MMP13: variants seen among roughly 807,000 people sequenced by gnomAD.
MMP13 encodes the protein collagenase 3.
In MMP13, 45 loss-of-function variants were observed where a neutral mutation model predicts 52.1. The ratio of observed to expected loss-of-function variants is 0.86; its 90% CI spans 0.68 to 1.11. The LOEUF (loss-of-function observed/expected upper bound fraction) is 1.11, where lower values mean the gene tolerates loss of function less well. Among genes scored for constraint, MMP13 ranks in the 50% least tolerant of loss-of-function variants. The pLI, the probability that MMP13 is intolerant of heterozygous loss-of-function variation, is 0.00. For synonymous variants in MMP13, 200 were observed against 204.4 expected (o/e 0.98, Z 0.18); for missense variants, 576 against 583.8 (o/e 0.99, Z 0.14).
rs369083541 is a variant in MMP13 at position 102,955,289 on chromosome 11, G to A, written c.325C>T (p.Arg109Ter). The A allele has an allele frequency of 1.6e-5, 26 of 1,613,738 alleles. No homozygotes were observed. The highest frequency in any genetic ancestry group is 2.0e-5 in the Non-Finnish European group (24 of 1,179,850). Residue 109 changes from arginine (R) to a stop codon, truncating the protein, a stop_gained, in exon 2 of 10, where the codon CGA becomes TGA. Coordinates refer to ENST00000260302, the MANE Select transcript of MMP13 (RefSeq NM_002427.4). LOFTEE classifies it high-confidence loss of function. The surrounding 1 kb of genome is among the most constrained non-coding windows in gnomAD (Gnocchi z 4.9). ...PDVGEYNVFPRTLKWSKMNLT... is the reference protein window; with the variant it reads ...PDVGEYNVFP ...TTCATTTTGGACCATTTAAGAGTTC[G>A]AGGGAAAACATTGTATTCACCCACA... is the stretch of plus-strand genomic sequence containing the variant.
chr11:102,949,293 A>C lies in MMP13; in HGVS notation c.918-135T>G. 9.0e-7 allele frequency: 1 copy of C among 1,105,606 alleles called. No individual in the cohort carries two copies. Among genetic ancestry groups the C allele is most frequent in the Non-Finnish European group, 1.3e-6 (1 of 758,092 alleles). 68.5% of individuals were successfully genotyped at this position (1,105,606 alleles called of 1,614,324 possible). ...CCTCCCACCTGTGAAGGGAAAAAAA[A>C]TTCCATTACCCTTTAAGCGCCAGTG... On this transcript the variant is annotated intron_variant, in intron 6 of 9. Transcript: ENST00000260302. The surrounding 1 kb of genome is among the most constrained non-coding windows in gnomAD (Gnocchi z 4.2).
Position 102,943,958 on chromosome 11 carries a change from A to T in MMP13, c.*308T>A, listed in dbSNP as rs1035343402. ...AAAATTTCCTTATAAATATATTTTT[A>T]AATTATGCTCTCATTGACAGACCAT... On this transcript the variant is annotated 3_prime_UTR_variant, in exon 10 of 10. Transcript: ENST00000260302. The T allele has an allele frequency of 1.1e-4, 30 of 278,772 alleles. No homozygotes were observed. Among genetic ancestry groups the T allele is most frequent in the Non-Finnish European group, 6.4e-5 (9 of 140,980 alleles). 17.3% of individuals were successfully genotyped at this position (278,772 alleles called of 1,614,324 possible).
intron 7 of MMP13, 133 bp downstream of exon 7, chr11:102,948,892 T>C (rs1860560698): frequency 1.8e-5 from 22 of 1,246,928 alleles, no homozygotes; most frequent in East Asian, 7.1e-5. Context: ...CTTTCTGGCT[T>C]CCATTTTTTT....
chr11:102,951,994 T>G lies in MMP13; in HGVS notation c.799+18A>C. The G allele has an allele frequency of 6.2e-7, 1 of 1,610,916 alleles. No individual in the cohort carries two copies. Among genetic ancestry groups the G allele is most frequent in the Non-Finnish European group, 8.5e-7 (1 of 1,177,368 alleles). ...TGCTTTTATAACTGATCATATTCTA[T>G]TTCTATAACCGAGTTACCATAGAGA... is the stretch of plus-strand genomic sequence containing the variant. On this transcript the variant is annotated intron_variant, in intron 5 of 9. Transcript: ENST00000260302.
intron 8 of MMP13, among the ~76,000 whole-genome samples, 162 bp downstream of exon 8, chr11:102,947,729 A>T (rs1555016812): frequency 6.9e-6 from 1 of 145,308 alleles, no homozygotes; most frequent in African/African-American, 2.6e-5. Context: ...GAGACTTTTA[A>T]ATACATGTCT....
Position 102,949,240 on chromosome 11 carries a change from A to G in MMP13, c.918-82T>C. 6.5e-7 allele frequency: 1 copy of G among 1,540,388 alleles called. No homozygotes were observed. The highest frequency in any genetic ancestry group is 8.8e-7 in the Non-Finnish European group (1 of 1,133,624). ...CCTGCTAGTCACCTCTCTCCACATCAACACAGACAAGTTAGATACAACCAA... is the reference window on the plus strand; with the variant it reads ...CCTGCTAGTCACCTCTCTCCACATCGACACAGACAAGTTAGATACAACCAA... On this transcript the variant is annotated intron_variant, in intron 6 of 9. Coordinates refer to ENST00000260302, the MANE Select transcript of MMP13 (RefSeq NM_002427.4). The surrounding 1 kb of genome is among the most constrained non-coding windows in gnomAD (Gnocchi z 4.2).
chr11:102,944,373 G>A lies in MMP13; in HGVS notation c.1316-7C>T. 1 of 1,572,288 alleles carries A rather than the reference G, an allele frequency of 6.4e-7. No individual in the cohort carries two copies. The highest frequency in any genetic ancestry group is 1.1e-5 in the South Asian group (1 of 90,270). On this transcript the variant is annotated splice_polypyrimidine_tract_variant and splice_region_variant and intron_variant, in intron 9 of 9. Coordinates refer to ENST00000260302, the MANE Select transcript of MMP13 (RefSeq NM_002427.4). ...TTGAAAAAATAGATATAACCTATAA[G>A]AAAAAGCATAAAGACAATTTCAGAG...
intron 4 of MMP13, among the ~76,000 whole-genome samples, chr11:102,953,158 T>C (rs143554436): frequency 5.5e-4 from 84 of 152,274 alleles, no homozygotes; most frequent in African/African-American, 2.0e-3. Context: ...GACTTGTTTG[T>C]GGATGTTTTT....
Position 102,947,818 on chromosome 11 carries a change from G to C in MMP13, c.1211+73C>G, listed in dbSNP as rs538838124. ...ATTTACAATAGTGTGTAGGAATAAT[G>C]TATAGTAGTGACAGATGTTTGAGGC... On this transcript the variant is annotated intron_variant, in intron 8 of 9. Coordinates refer to ENST00000260302, the MANE Select transcript of MMP13 (RefSeq NM_002427.4). 28 of 1,476,120 alleles carry C rather than the reference G, an allele frequency of 1.9e-5. No homozygotes were observed. The African/African-American group carries it at 3.7e-4, about 20-fold the overall frequency. 91.4% of individuals were successfully genotyped at this position (1,476,120 alleles called of 1,614,324 possible).
rs1168897789 is a variant in MMP13 at position 102,954,223 on chromosome 11, A to T, written c.570T>A (p.Pro190=). ...CATCTCCTCCATAATTTGGCCCAGG[A>T]GGAAAAGCATGAGCCAGCAGGCCAG... ...GPSGLLAHAF[P]PGPNYGGDAH... is the part of the protein sequence containing the mutation. The change falls in exon 4 of 10, where the codon CCT becomes CCA. Residue 190 remains proline, a synonymous_variant. Coordinates refer to ENST00000260302, the MANE Select transcript of MMP13 (RefSeq NM_002427.4). 8.7e-6 allele frequency: 14 copies of T among 1,613,634 alleles called. No homozygotes were observed. The highest frequency in any genetic ancestry group is 1.2e-5 in the Non-Finnish European group (14 of 1,179,790).
chr11:102,946,719 G>A (rs1860514091), intron 8 of MMP13, among the ~76,000 whole-genome samples: 1 of 152,218 alleles, frequency 6.6e-6, no homozygotes, highest in South Asian at 2.1e-4. Context: ...GATGCAGTAA[G>A]CAATTAATCC....
intron 8 of MMP13, among the ~76,000 whole-genome samples, chr11:102,947,519 G>A (rs1860530411): frequency 6.6e-6 from 1 of 152,076 alleles, no homozygotes; most frequent in African/African-American, 2.4e-5. Context: ...GTTACAGTGA[G>A]CCAAGATCAT....
intron 5 of MMP13, among the ~76,000 whole-genome samples, chr11:102,951,706 A>T (rs1860614814): frequency 6.6e-6 from 1 of 152,144 alleles, no homozygotes; most frequent in Non-Finnish European, 1.5e-5. Flanking sequence ...ACAAACCTAG[A>T]TATATAACCT....
intron 7 of MMP13, among the ~76,000 whole-genome samples, 182 bp downstream of exon 7, chr11:102,948,843 T>C (rs1860559565): frequency 6.6e-6 from 1 of 152,198 alleles, no homozygotes. Flanking sequence ...ACCTTTTATA[T>C]GTTCAATTTG....
chr11:102,943,952 A>G lies in MMP13; in HGVS notation c.*314T>C, dbSNP rs17860584. The G allele has an allele frequency of 0.037, 10,265 of 274,426 alleles. 260 individuals are homozygous for G. The highest frequency in any genetic ancestry group is 0.056 in the South Asian group (1,316 of 23,314). The allele number at this position is 274,426 out of a possible 1,614,324, so 17.0% of individuals were successfully genotyped here. ...CCTTGTAAAATTTCCTTATAAATAT[A>G]TTTTTAAATTATGCTCTCATTGACA... On this transcript the variant is annotated 3_prime_UTR_variant, in exon 10 of 10. Transcript: ENST00000260302.
In MMP13 at chr11:102,954,225, G is replaced by A. The variant is rs1413504149; in HGVS notation, c.568C>T (p.Pro190Ser). 2 of 1,613,560 alleles carry A rather than the reference G, an allele frequency of 1.2e-6. No homozygotes were observed. The highest frequency in any genetic ancestry group is 3.3e-5 in the Admixed American group (2 of 59,922). ...TCTCCTCCATAATTTGGCCCAGGAG[G>A]AAAAGCATGAGCCAGCAGGCCAGAG... ...GPSGLLAHAFPPGPNYGGDAH... is the reference protein window; with the variant it reads ...GPSGLLAHAFSPGPNYGGDAH... Residue 190 changes from proline (P) to serine (S), a missense_variant, in exon 4 of 10, where the codon CCT (proline) becomes TCT (serine). Physicochemically the swap from Pro to Ser is moderately conservative, Grantham distance 74. Transcript: ENST00000260302.
chr11:102,948,161 A>G (rs1416736810), intron 7 of MMP13, 111 bp from the exon 8 acceptor site: 1 of 808,740 alleles, frequency 1.2e-6, no homozygotes, highest in East Asian at 2.7e-5. Flanking sequence ...ATATTAATAA[A>G]ATATTTAGTA....
rs552783742 is a variant in MMP13 at position 102,955,144 on chromosome 11, A to G, written c.362+108T>C. 3.1e-5 allele frequency: 39 copies of G among 1,271,886 alleles called. No homozygotes were observed. The African/African-American group carries it at 5.3e-4, about 17-fold the overall frequency. 78.8% of individuals were successfully genotyped at this position (1,271,886 alleles called of 1,614,324 possible). A position where few individuals can be genotyped will look rare whatever the true frequency, so the allele number is the denominator to read the frequency against. On this transcript the variant is annotated intron_variant, in intron 2 of 9. Transcript: ENST00000260302. The surrounding 1 kb of genome is among the most constrained non-coding windows in gnomAD (Gnocchi z 4.9). ...TATTCTCGGCAACCATATTAAAGCTATTCTGGAATTTAACTGCCAATTAAA... is the reference window on the plus strand; with the variant it reads ...TATTCTCGGCAACCATATTAAAGCTGTTCTGGAATTTAACTGCCAATTAAA...
intron 8 of MMP13, among the ~76,000 whole-genome samples, chr11:102,946,916 G>A (rs1860518059): frequency 6.6e-6 from 1 of 152,116 alleles, no homozygotes; most frequent in Non-Finnish European, 1.5e-5. Context: ...TGTATGTAGA[G>A]ATGGAGGAAA....
Sources: allele counts gnomAD v4.1 joint callset (sites outside exome capture counted in the v4.1 genomes callset), GRCh38; gene constraint gnomAD v4.1.1; non-coding constraint Gnocchi (gnomAD v3.1); transcripts MANE v1.5; gene names NCBI Gene and HGNC (gene_info 2026-07-23, HGNC 2026-07-21).